Variants in GLIPR1L1 observed in about 807,000 individuals in gnomAD.
GLIPR1L1 encodes the protein GLIPR1 like 1.
GLIPR1L1 carries 26 observed loss-of-function variants against 29.9 expected under a neutral mutation model. The ratio of observed to expected loss-of-function variants is 0.87; its 90% CI spans 0.64 to 1.21. GLIPR1L1 has a LOEUF of 1.21. GLIPR1L1 is among the 50% of genes most tolerant of loss of function. The probability of loss-of-function intolerance (pLI) is 0.00; values close to 1 mark genes in which losing one functional copy is unlikely to be tolerated. For synonymous variants in GLIPR1L1, 77 were observed against 97.5 expected, an observed-to-expected ratio of 0.79 and a Z score of 1.24; for missense variants, 305 against 290.3, an observed-to-expected ratio of 1.05 and a Z score of -0.37.
chr12:75,366,904 C>T (rs1457189664), intron 4 of GLIPR1L1: 3 of 701,626 alleles, frequency 4.3e-6, no homozygotes, highest in Non-Finnish European at 7.8e-6. Context: ...AGGGCCACTG[C>T]ATGTCAAAAG....
intron 5 of GLIPR1L1, 42 bp from the exon 6 acceptor site, chr12:75,370,043 T>C (rs1284832412): frequency 4.5e-6 from 6 of 1,331,830 alleles, no homozygotes; most frequent in Non-Finnish European, 4.3e-6. Flanking sequence ...TGAAAATCAA[T>C]TGAACTCTTA....
chr12:75,345,170 ACT>A (rs1278039108), intron 2 of GLIPR1L1, among the ~76,000 whole-genome samples: 1 of 151,634 alleles, frequency 6.6e-6, no homozygotes, highest in Non-Finnish European at 1.5e-5. Flanking sequence ...TCTCAATCAG[ACT>A]CTCATAACTA....
chr12:75,363,399 G>C (rs1354877693), intron 4 of GLIPR1L1, among the ~76,000 whole-genome samples: 1 of 152,104 alleles, frequency 6.6e-6, no homozygotes, highest in Admixed American at 6.6e-5. Context: ...TGAAGCTAAA[G>C]AGCAGAAAGG....
chr12:75,337,830 G>A (rs970073938), intron 1 of GLIPR1L1, among the ~76,000 whole-genome samples: 12 of 150,934 alleles, frequency 8.0e-5, no homozygotes, highest in Admixed American at 6.6e-5. Context: ...ATTATTTTTC[G>A]ACTATTGTCT....
At chr12:75,365,662 A>C (rs1410146564) in intron 4 of GLIPR1L1, among the ~76,000 whole-genome samples, 1 of 152,126 alleles carries the variant, frequency 6.6e-6, no homozygotes, top group Non-Finnish European at 1.5e-5. Context: ...AGTTTTTTAC[A>C]AACATTTATT....
Position 75,343,872 on chromosome 12 carries a change from T to A in GLIPR1L1, c.354T>A (p.Tyr118Ter). Residue 118 changes from tyrosine to a stop codon, truncating the protein, a stop_gained, in exon 2 of 6, where the codon TAT becomes TAA. Coordinates refer to ENST00000378695, the MANE Select transcript of GLIPR1L1 (RefSeq NM_001304964.2). LOFTEE classifies it high-confidence loss of function. ...FTPRHAITAW[Y>*]NETQFYDFDS... ...CAAGACATGCCATTACGGCTTGGTA[T>A]AATGAAACCCAATTTTATGATTTTG... 1 of 1,612,480 alleles carries A rather than the reference T, an allele frequency of 6.2e-7. No homozygotes were observed. The highest frequency in any genetic ancestry group is 8.5e-7 in the Non-Finnish European group (1 of 1,178,630).
At chr12:75,363,404 G>A (rs2139622111) in intron 4 of GLIPR1L1, among the ~76,000 whole-genome samples, 1 of 152,276 alleles carries the variant, frequency 6.6e-6, no homozygotes, top group East Asian at 1.9e-4. Context: ...CTAAAGAGCA[G>A]AAAGGAATGA....
chr12:75,362,909 G>A (rs1334454655), intron 3 of GLIPR1L1, among the ~76,000 whole-genome samples, 193 bp from the exon 4 acceptor site: 1 of 152,030 alleles, frequency 6.6e-6, no homozygotes, highest in African/African-American at 2.4e-5. Flanking sequence ...GAACTTCCAC[G>A]TGATTCATCC....
intron 2 of GLIPR1L1, among the ~76,000 whole-genome samples, chr12:75,344,926 C>T (rs1432468292): frequency 6.6e-6 from 1 of 152,050 alleles, no homozygotes; most frequent in Non-Finnish European, 1.5e-5. Context: ...ATGAAGTTGT[C>T]CAGTTTGGAA....
Position 75,343,947 on chromosome 12 carries a change from T to A in GLIPR1L1, c.420+9T>A, listed in dbSNP as rs1404377528. 3 of 1,589,814 alleles carry A rather than the reference T, an allele frequency of 1.9e-6. No homozygotes were observed. Among genetic ancestry groups the A allele is most frequent in the Non-Finnish European group, 2.6e-6 (3 of 1,164,492 alleles). On this transcript the variant is annotated intron_variant, in intron 2 of 5. Coordinates refer to ENST00000378695, the MANE Select transcript of GLIPR1L1 (RefSeq NM_001304964.2). ...GTGGCCATTATACACAGGTAAATATTTGACATCTTTATTGATTAGTTCTTA... is the reference window on the plus strand; with the variant it reads ...GTGGCCATTATACACAGGTAAATATATGACATCTTTATTGATTAGTTCTTA...
At chr12:75,347,592 AT>A (rs755148054) in intron 2 of GLIPR1L1, 29 bp from the exon 3 acceptor site, 1 of 1,434,780 alleles carries the variant, frequency 7.0e-7, no homozygotes. Flanking sequence ...TGTTTTCCAT[AT>A]TTTATCTTGA....
chr12:75,339,260 C>A (rs2041943459), intron 1 of GLIPR1L1, among the ~76,000 whole-genome samples: 1 of 152,272 alleles, frequency 6.6e-6, no homozygotes, highest in East Asian at 1.9e-4. Context: ...ACACTGCCAG[C>A]ACCTGTTTCT....
At chr12:75,357,617 G>C (rs896856421) in intron 3 of GLIPR1L1, among the ~76,000 whole-genome samples, 3 of 151,992 alleles carry the variant, frequency 2.0e-5, no homozygotes, top group East Asian at 1.9e-4. Context: ...TCATAAAACA[G>C]ATCTTGATAC....
intron 4 of GLIPR1L1, among the ~76,000 whole-genome samples, chr12:75,363,486 G>A (rs1014490092): frequency 6.6e-6 from 1 of 151,970 alleles, no homozygotes; most frequent in African/African-American, 2.4e-5. Context: ...ATTTTTACTC[G>A]CTTTCATTGA....
Position 75,356,598 on chromosome 12 carries a change from T to G in GLIPR1L1, c.522-6504T>G, listed in dbSNP as rs115610272. ...GTAAAATGGAATTTTTAAAAGATAT[T>G]TAATTAACCCAAAGAAAGGCAAAAA... is the stretch of plus-strand genomic sequence containing the variant. On this transcript the variant is annotated intron_variant, in intron 3 of 5. Coordinates refer to ENST00000378695, the MANE Select transcript of GLIPR1L1 (RefSeq NM_001304964.2). Among the ~76,000 whole-genome samples the G allele has an allele frequency of 9.2e-3, 1,405 of 151,986 alleles. 24 individuals are homozygous for G. Among genetic ancestry groups the G allele is most frequent in the African/African-American group, 0.033 (1,348 of 41,464 alleles).
rs1379423292 is a variant in GLIPR1L1, at chr12:75,334,671, C to A, written c.-58C>A. On this transcript the variant is annotated 5_prime_UTR_variant, in exon 1 of 6. Transcript: ENST00000378695. ...GCGGGGGCGTGGGGAAATCGGGTTGCCCCAGCCGTTACTGGTCCGCGCAGT... is the reference window on the plus strand; with the variant it reads ...GCGGGGGCGTGGGGAAATCGGGTTGACCCAGCCGTTACTGGTCCGCGCAGT... 6.4e-7 allele frequency: 1 copy of A among 1,571,364 alleles called. No homozygotes were observed. Among genetic ancestry groups the A allele is most frequent in the African/African-American group, 1.3e-5 (1 of 74,132 alleles).
chr12:75,362,931 G>A (rs529917957), intron 3 of GLIPR1L1, among the ~76,000 whole-genome samples, 171 bp from the exon 4 acceptor site: 19 of 152,040 alleles, frequency 1.2e-4, no homozygotes, highest in Non-Finnish European at 2.5e-4. Flanking sequence ...GTAAGGAATT[G>A]TTTTAATAGC....
chr12:75,344,702 C>T lies in GLIPR1L1; in HGVS notation c.420+764C>T, dbSNP rs187627694. ...TATATTCGCAATTTGTACATTTTGC[C>T]TTGTTGAGTGCTGGGTTCATCTGTA... On this transcript the variant is annotated intron_variant, in intron 2 of 5. Coordinates refer to ENST00000378695, the MANE Select transcript of GLIPR1L1 (RefSeq NM_001304964.2). Among the ~76,000 whole-genome samples, 8 of 152,054 alleles carry T rather than the reference C, an allele frequency of 5.3e-5. No homozygotes were observed. In the East Asian group the frequency reaches 1.5e-3, roughly 29 times the overall value.
intron 3 of GLIPR1L1, among the ~76,000 whole-genome samples, chr12:75,351,831 G>A (rs1354122994): frequency 6.6e-6 from 1 of 152,190 alleles, no homozygotes; most frequent in Non-Finnish European, 1.5e-5. Context: ...ACAGGCATGA[G>A]CCATCGTGCT....
Sources: gnomAD v4.1 joint callset for allele counts (sites outside exome capture counted in the v4.1 genomes callset) on GRCh38, gnomAD v4.1.1 for gene constraint, MANE v1.5 for transcripts, NCBI Gene and HGNC (gene_info 2026-07-23, HGNC 2026-07-21) for gene names.